GRID2: variants seen among roughly 807,000 people sequenced by gnomAD.
GRID2 encodes the protein glutamate receptor ionotropic, delta-2.
A neutral mutation model predicts 114.8 loss-of-function variants in GRID2; 33 were observed. The ratio of observed to expected loss-of-function variants is 0.29; its 90% confidence interval spans 0.22 to 0.38. The LOEUF (loss-of-function observed/expected upper bound fraction) is 0.38, where lower values mean the gene tolerates loss of function less well. Ranked by LOEUF, GRID2 falls within the 10% of genes least tolerant of loss-of-function variation. The pLI, the probability that GRID2 is intolerant of heterozygous loss-of-function variation, is 1.00. For missense variants in GRID2, 1,184 were observed against 1,257.7 expected (o/e 0.94, Z 0.89); for synonymous variants, 505 against 449.9 (o/e 1.12, Z -1.55).
intron 14 of GRID2, among the ~76,000 whole-genome samples, chr4:93,705,782 A>T (rs1329055527): frequency 6.6e-6 from 1 of 152,042 alleles, no homozygotes; most frequent in African/African-American, 2.4e-5. Context: ...GAGTTTTTCC[A>T]GTGTTTTCTT....
At chr4:93,582,582 G>C (rs1185284501) in intron 13 of GRID2, among the ~76,000 whole-genome samples, 1 of 152,142 alleles carries the variant, frequency 6.6e-6, no homozygotes, top group Non-Finnish European at 1.5e-5. Context: ...ATCAGAAATA[G>C]AATGAGAAGT....
At chr4:93,249,191 G>A (rs1706903696) in intron 8 of GRID2, among the ~76,000 whole-genome samples, 1 of 152,102 alleles carries the variant, frequency 6.6e-6, no homozygotes, top group Admixed American at 6.6e-5. Flanking sequence ...TAGTTGTGTG[G>A]TGCTATTTCT....
At position 93,351,575 on chromosome 4, in the gene GRID2, A is replaced by G. The variant is rs1438757204; in HGVS notation, c.1246-44032A>G. ...TGTTCTCTTTGTAGGCAAATCTACA[A>G]ATTACAATCAGAACTTTGTTTCATG... On this transcript the variant is annotated intron_variant, in intron 8 of 15. Coordinates refer to ENST00000282020, the MANE Select transcript of GRID2 (RefSeq NM_001510.4). Among the ~76,000 whole-genome samples the G allele has an allele frequency of 2.6e-5, 4 of 152,084 alleles. No individual in the cohort carries two copies. In the South Asian group the frequency reaches 8.3e-4, roughly 31 times the overall value.
intron 8 of GRID2, among the ~76,000 whole-genome samples, chr4:93,373,383 C>A (rs1763103662): frequency 6.6e-6 from 1 of 151,900 alleles, no homozygotes; most frequent in Non-Finnish European, 1.5e-5. Flanking sequence ...ATGTGATTTA[C>A]CAATTTAATT....
At chr4:92,458,269 T>G (rs1721316076) in intron 1 of GRID2, among the ~76,000 whole-genome samples, 1 of 152,188 alleles carries the variant, frequency 6.6e-6, no homozygotes, top group African/African-American at 2.4e-5. Context: ...AGACTGTGAA[T>G]CAGATGATCC....
At chr4:92,578,057 T>C (rs1372570006) in intron 1 of GRID2, among the ~76,000 whole-genome samples, 1 of 45,764 alleles carries the variant, frequency 2.2e-5, no homozygotes, top group Non-Finnish European at 4.6e-5. Context: ...CTTCTTCTTC[T>C]TCTTCTTCTT....
intron 2 of GRID2, among the ~76,000 whole-genome samples, chr4:92,972,993 T>A (rs938344552): frequency 1.3e-5 from 2 of 152,198 alleles, no homozygotes; most frequent in African/African-American, 2.4e-5. Flanking sequence ...ACAATTTTTT[T>A]AATCCAGTCT....
chr4:93,663,814 A>T (rs1326964470), intron 14 of GRID2, among the ~76,000 whole-genome samples: 2 of 152,206 alleles, frequency 1.3e-5, no homozygotes, highest in African/African-American at 4.8e-5. Context: ...CTTATCATAT[A>T]AAAAGTAGTT....
At chr4:92,734,096 C>T (rs1211294281) in intron 2 of GRID2, among the ~76,000 whole-genome samples, 2 of 152,050 alleles carry the variant, frequency 1.3e-5, no homozygotes, top group Non-Finnish European at 2.9e-5. Flanking sequence ...ATGAAATAAA[C>T]AGTTGCTTTG....
At position 92,563,876 on chromosome 4, in the gene GRID2, G is replaced by A. The variant is rs149045533; in HGVS notation, c.89-26255G>A. 1.1e-4 allele frequency among the ~76,000 whole-genome samples: 16 copies of A among 151,974 alleles called. No individual in the cohort carries two copies. In the East Asian group the frequency reaches 1.9e-3, roughly 18 times the overall value. The stretch of plus-strand genomic sequence containing the variant: ...AGCTAAATGAAATACCTATCAGTGC[G>A]CACTCCATACATTATCTACTTCCAT... On this transcript the variant is annotated intron_variant, in intron 1 of 15. Coordinates refer to ENST00000282020, the MANE Select transcript of GRID2 (RefSeq NM_001510.4).
chr4:92,467,021 C>A (rs868550910), intron 1 of GRID2, among the ~76,000 whole-genome samples: 23 of 151,810 alleles, frequency 1.5e-4, no homozygotes, highest in Middle Eastern at 7.1e-3. Context: ...TAAATACTCT[C>A]ATTTCATTGC....
intron 13 of GRID2, among the ~76,000 whole-genome samples, chr4:93,522,753 C>CTGAGA (rs893007295): frequency 2.6e-5 from 4 of 151,928 alleles, no homozygotes; most frequent in African/African-American, 7.3e-5. Flanking sequence ...GAAGCTTGTT[C>CTGAGA]TGAGATGACA....
chr4:92,673,264 C>T (rs1277250680), intron 2 of GRID2, among the ~76,000 whole-genome samples: 1 of 151,844 alleles, frequency 6.6e-6, no homozygotes. Context: ...ATAAATATAC[C>T]ACATCATCTA....
At chr4:93,517,940 TATAC>T (rs1207077890) in intron 13 of GRID2, among the ~76,000 whole-genome samples, 1 of 38,222 alleles carries the variant, frequency 2.6e-5, no homozygotes, top group Non-Finnish European at 6.7e-5. Context: ...TATGTATGTA[TATAC>T]ATACATGTAT....
intron 14 of GRID2, among the ~76,000 whole-genome samples, chr4:93,734,705 T>A (rs946555513): frequency 2.6e-5 from 4 of 151,888 alleles, no homozygotes; most frequent in African/African-American, 9.7e-5. Flanking sequence ...TGTATGAGGT[T>A]GGTAGGAAAA....
chr4:92,608,689 A>G (rs1475351226), intron 2 of GRID2, among the ~76,000 whole-genome samples: 1 of 151,812 alleles, frequency 6.6e-6, no homozygotes, highest in Non-Finnish European at 1.5e-5. Context: ...AAGAATATCA[A>G]TATCATGTAC....
intron 13 of GRID2, among the ~76,000 whole-genome samples, chr4:93,588,410 T>G (rs1737760187): frequency 6.6e-6 from 1 of 152,162 alleles, no homozygotes; most frequent in Admixed American, 6.6e-5. Flanking sequence ...AAATTAGGGT[T>G]CAGAGTTATA....
intron 14 of GRID2, among the ~76,000 whole-genome samples, chr4:93,731,817 G>T (rs748233200): frequency 1.3e-5 from 2 of 152,086 alleles, no homozygotes; most frequent in Non-Finnish European, 2.9e-5. Context: ...ACATCTGTCA[G>T]CTTTTATCCC....
At chr4:92,655,763 G>T (rs187778527) in intron 2 of GRID2, among the ~76,000 whole-genome samples, 1 of 151,524 alleles carries the variant, frequency 6.6e-6, no homozygotes, top group African/African-American at 2.4e-5. Flanking sequence ...TAAGTCTTCA[G>T]ATTTTCCCCA....
Sources: allele counts gnomAD v4.1 joint callset (sites outside exome capture counted in the v4.1 genomes callset), GRCh38; gene constraint gnomAD v4.1.1; transcripts MANE v1.5; gene names NCBI Gene and HGNC (gene_info 2026-07-23, HGNC 2026-07-21).